Variants in FOXP2 observed in about 807,000 individuals in gnomAD.
The protein encoded by FOXP2 is forkhead box P2, also known as forkhead box protein P2.
FOXP2 carries 12 observed loss-of-function variants against 115.8 expected under a neutral mutation model. That is an observed-to-expected ratio of 0.10 (90% CI 0.07 to 0.17). The LOEUF (loss-of-function observed/expected upper bound fraction) is 0.17. FOXP2 is among the 10% of genes least tolerant of loss of function. FOXP2 has a pLI of 1.00. For missense variants in FOXP2, 629 were observed against 843.5 expected (o/e 0.75, Z 3.15); for synonymous variants, 328 against 297.7 (o/e 1.10, Z -1.05).
At chr7:114,323,976 A>G (rs552171964) in intron 2 of FOXP2, among the ~76,000 whole-genome samples, 57 of 151,948 alleles carry the variant, frequency 3.8e-4, no homozygotes, top group Non-Finnish European at 7.1e-4. Flanking sequence ...CTGTCAATCC[A>G]TATGCCTATC....
At chr7:114,506,641 A>C (rs1797830790) in intron 2 of FOXP2, among the ~76,000 whole-genome samples, 2 of 151,798 alleles carry the variant, frequency 1.3e-5, no homozygotes, top group East Asian at 3.9e-4. Flanking sequence ...GCATGGAGTC[A>C]GATTTCTTGA....
chr7:114,354,517 T>C (rs1791568295), intron 2 of FOXP2, among the ~76,000 whole-genome samples: 1 of 152,118 alleles, frequency 6.6e-6, no homozygotes, highest in Admixed American at 6.6e-5. Context: ...ATGCCAACAG[T>C]GATGAATGAA....
intron 6 of FOXP2, among the ~76,000 whole-genome samples, chr7:114,637,419 A>T: frequency 6.6e-6 from 1 of 152,214 alleles, no homozygotes; most frequent in South Asian, 2.1e-4. Flanking sequence ...AATAAGAGAA[A>T]CCGAATAATC....
Position 114,414,866 on chromosome 7 carries a change from T to G in FOXP2, c.-505T>G, listed in dbSNP as rs923210675. Reference sequence around the variant, plus strand: ...TGAGAGACTCAAACTGGTGCTTTTGTCTCTCTCTCTCTGTCTTTCTCTCTC... The same window carrying G: ...TGAGAGACTCAAACTGGTGCTTTTGGCTCTCTCTCTCTGTCTTTCTCTCTC... On this transcript the variant is annotated 5_prime_UTR_variant, in exon 1 of 17. Coordinates refer to ENST00000350908, the MANE Select transcript of FOXP2 (RefSeq NM_014491.4). 1.7e-5 allele frequency: 5 copies of G among 297,396 alleles called. No individual in the cohort carries two copies. The highest frequency in any genetic ancestry group is 2.7e-5 in the Non-Finnish European group (4 of 149,100). 18.4% of individuals were successfully genotyped at this position (297,396 alleles called of 1,614,324 possible). A position where few individuals can be genotyped will look rare whatever the true frequency, so the allele number is the denominator to read the frequency against.
At chr7:114,145,980 C>A (rs1026759015) in intron 1 of FOXP2, among the ~76,000 whole-genome samples, 12 of 152,040 alleles carry the variant, frequency 7.9e-5, no homozygotes, top group Non-Finnish European at 1.3e-4. Context: ...ATGTTTCTAT[C>A]TGTATTCTAT....
intron 1 of FOXP2, among the ~76,000 whole-genome samples, chr7:114,236,026 G>C (rs1389101269): frequency 6.6e-6 from 1 of 152,132 alleles, no homozygotes; most frequent in African/African-American, 2.4e-5. Context: ...AGCTCCTTGG[G>C]AGAAACATCT....
intron 1 of FOXP2, among the ~76,000 whole-genome samples, chr7:114,421,543 C>G (rs1793621883): frequency 6.6e-6 from 1 of 151,028 alleles, no homozygotes. Context: ...GCATTTTAGG[C>G]ATTTTGTTTA....
intron 3 of FOXP2, among the ~76,000 whole-genome samples, chr7:114,554,161 A>T (rs1161972015): frequency 1.3e-5 from 2 of 152,112 alleles, no homozygotes; most frequent in Non-Finnish European, 2.9e-5. Context: ...TACCATTTTT[A>T]GGGTCAGGAA....
intron 2 of FOXP2, among the ~76,000 whole-genome samples, chr7:114,331,848 T>C (rs1562874647): frequency 6.6e-6 from 1 of 152,022 alleles, no homozygotes; most frequent in African/African-American, 2.4e-5. Flanking sequence ...GTTTTCGCCA[T>C]GTTTGCCAGG....
intron 1 of FOXP2, among the ~76,000 whole-genome samples, chr7:114,222,685 G>T (rs2129164067): frequency 6.6e-6 from 1 of 152,272 alleles, no homozygotes; most frequent in Non-Finnish European, 1.5e-5. Flanking sequence ...CATGATAAAG[G>T]AGTTTCCATG....
At chr7:114,374,557 A>G (rs543546657) in intron 2 of FOXP2, among the ~76,000 whole-genome samples, 1 of 152,286 alleles carries the variant, frequency 6.6e-6, no homozygotes, top group African/African-American at 2.4e-5. Flanking sequence ...ATTAAATGGG[A>G]AGGAAAAAGG....
rs1264287719 is a variant in FOXP2 at position 114,693,315 on chromosome 7, G to T, written c.*3389G>T. ...TTTGTGATTAGGGAATCGAAGAATA[G>T]TCAGCTAGGAATAGAGCTACAGAAG... On this transcript the variant is annotated 3_prime_UTR_variant, in exon 17 of 17. Coordinates refer to ENST00000350908, the MANE Select transcript of FOXP2 (RefSeq NM_014491.4). 6.6e-6 allele frequency: 3 copies of T among 453,072 alleles called. No individual in the cohort carries two copies. The highest frequency in any genetic ancestry group is 4.0e-5 in the African/African-American group (2 of 49,968). The allele number at this position is 453,072 out of a possible 1,614,324, so 28.1% of individuals were successfully genotyped here.
At chr7:114,277,334 A>G (rs1796213886) in intron 1 of FOXP2, among the ~76,000 whole-genome samples, 1 of 152,186 alleles carries the variant, frequency 6.6e-6, no homozygotes, top group South Asian at 2.1e-4. Context: ...CTTTAAGGCA[A>G]TTCAGAAAAC....
chr7:114,661,566 A>T (rs563279724), intron 13 of FOXP2, among the ~76,000 whole-genome samples: 9 of 152,118 alleles, frequency 5.9e-5, no homozygotes, highest in African/African-American at 2.2e-4. Flanking sequence ...GAATAAACAA[A>T]CTCTGTCATT....
upstream of FOXP2, among the ~76,000 whole-genome samples, chr7:114,161,937 C>A (rs753886010): frequency 3.3e-5 from 5 of 152,052 alleles, no homozygotes; most frequent in Non-Finnish European, 5.9e-5. Flanking sequence ...CGCATTTCAC[C>A]ATGCCTGGCT....
intron 13 of FOXP2, 44 bp from the exon 14 acceptor site, chr7:114,662,021 C>T: frequency 6.2e-7 from 1 of 1,608,976 alleles, no homozygotes; most frequent in Non-Finnish European, 8.5e-7. Context: ...CCTTATTAGA[C>T]AATATTATTT....
rs537063340 is a variant in FOXP2 at position 114,459,032 on chromosome 7, C to G, written c.168+32353C>G. Among the ~76,000 whole-genome samples, 6 of 152,226 alleles carry G rather than the reference C, an allele frequency of 3.9e-5. No homozygotes were observed. In the East Asian group the frequency reaches 1.2e-3, roughly 30 times the overall value. On this transcript the variant is annotated intron_variant, in intron 2 of 16. Coordinates refer to ENST00000350908, the MANE Select transcript of FOXP2 (RefSeq NM_014491.4). ...GGCTTCAACCTCCTAGCTGACTTCTCAGTGCTCTTCTGTGGCCTCTCTTTC... is the reference window on the plus strand; with the variant it reads ...GGCTTCAACCTCCTAGCTGACTTCTGAGTGCTCTTCTGTGGCCTCTCTTTC...
At chr7:114,647,484 T>A (rs1805977848) in intron 8 of FOXP2, among the ~76,000 whole-genome samples, 2 of 151,754 alleles carry the variant, frequency 1.3e-5, no homozygotes, top group Non-Finnish European at 1.5e-5. Context: ...ATAAAAAAAA[T>A]TCAGACTAAG....
At chr7:114,351,468 C>T (rs900131934) in intron 2 of FOXP2, among the ~76,000 whole-genome samples, 2 of 151,848 alleles carry the variant, frequency 1.3e-5, no homozygotes, top group African/African-American at 4.8e-5. Flanking sequence ...CTTTATAATC[C>T]AAAGAAAACT....
Sources: gnomAD v4.1 joint callset for allele counts (sites outside exome capture counted in the v4.1 genomes callset) on GRCh38, gnomAD v4.1.1 for gene constraint, MANE v1.5 for transcripts, NCBI Gene and HGNC (gene_info 2026-07-23, HGNC 2026-07-21) for gene names.